EXOSC4: variants seen among roughly 807,000 people sequenced by gnomAD.
The protein encoded by EXOSC4 is exosome complex component RRP41.
Under a neutral mutation model 20.0 loss-of-function variants are expected in EXOSC4, and 14 were observed. That is an observed-to-expected ratio of 0.70 (90% CI 0.46 to 1.09). The LOEUF is 1.09. EXOSC4 is among the 50% of genes least tolerant of loss of function. EXOSC4 has a pLI of 0.00. For missense variants in EXOSC4, 337 were observed against 334.0 expected (o/e 1.01, Z -0.07); for synonymous variants, 148 against 146.4 (o/e 1.01, Z -0.08).
Position 144,080,327 on chromosome 8 carries a change from A to T in EXOSC4, c.464A>T (p.Asp155Val), listed in dbSNP as rs1279315897. 6.2e-7 allele frequency: 1 copy of T among 1,613,348 alleles called. No individual in the cohort carries two copies. Among genetic ancestry groups the T allele is most frequent in the Non-Finnish European group, 8.5e-7 (1 of 1,179,972 alleles). Reference protein sequence around the residue: ...AVLDAGIPMRDFVCACSAGFV... With the variant: ...AVLDAGIPMRVFVCACSAGFV... ...CTGGATGCCGGGATACCCATGAGAG[A>T]CTTTGTGTGTGCGTGCTCAGCTGGC... The change falls in exon 3 of 3, where the codon GAC (aspartate) becomes GTC (valine). Residue 155 changes from aspartate to valine, a missense_variant. Physicochemically the swap from Asp to Val is radical, Grantham distance 152. Coordinates refer to ENST00000316052, the MANE Select transcript of EXOSC4 (RefSeq NM_019037.3). The surrounding 1 kb of genome is among the most constrained non-coding windows in gnomAD (Gnocchi z 4.9).
At chr8:144,070,998 G>A in the EXOSC4 span, among the ~76,000 whole-genome samples, 6 of 151,690 alleles carry the variant, frequency 4.0e-5, no homozygotes, top group East Asian at 5.8e-4. Context: ...AGGGAGGAGC[G>A]GAGCAGAGAC....
At chr8:144,074,616 CAGG>C (rs1835820240), upstream of EXOSC4, among the ~76,000 whole-genome samples, 1 of 152,080 alleles carries the variant, frequency 6.6e-6, no homozygotes, top group Non-Finnish European at 1.5e-5. Flanking sequence ...GTGGTATGGG[CAGG>C]AGTACCGTGG....
At chr8:144,065,520 G>C in the EXOSC4 span, among the ~76,000 whole-genome samples, 1 of 152,012 alleles carries the variant, frequency 6.6e-6, no homozygotes, top group Non-Finnish European at 1.5e-5. Flanking sequence ...CCTGAGGTCA[G>C]GAGTTCGAGA....
At chr8:144,071,153 A>C in the EXOSC4 span, among the ~76,000 whole-genome samples, 9 of 144,356 alleles carry the variant, frequency 6.2e-5, no homozygotes, top group African/African-American at 2.3e-4. Context: ...TAAAGTGTCC[A>C]GTTTCCTTTC....
rs535241048 is a variant in EXOSC4 at position 144,080,330 on chromosome 8, T to G, written c.467T>G (p.Phe156Cys). Reference sequence around the variant, plus strand: ...GATGCCGGGATACCCATGAGAGACTTTGTGTGTGCGTGCTCAGCTGGCTTC... The same window carrying G: ...GATGCCGGGATACCCATGAGAGACTGTGTGTGTGCGTGCTCAGCTGGCTTC... ...VLDAGIPMRD[F>C]VCACSAGFVD... The change falls in exon 3 of 3, where the codon TTT (phenylalanine) becomes TGT (cysteine). Residue 156 changes from phenylalanine (F) to cysteine (C), a missense_variant. Coordinates refer to ENST00000316052, the MANE Select transcript of EXOSC4 (RefSeq NM_019037.3). This position sits in a 1 kb window ranked among gnomAD's most constrained non-coding sequence, Gnocchi z 4.9. 4 of 1,613,588 alleles carry G rather than the reference T, an allele frequency of 2.5e-6. No homozygotes were observed. The highest frequency in any genetic ancestry group is 2.2e-5 in the East Asian group (1 of 44,884).
At chr8:144,071,213 T>C in the EXOSC4 span, among the ~76,000 whole-genome samples, 40 of 5,538 alleles carry the variant, frequency 7.2e-3, no homozygotes, top group South Asian at 0.02. Context: ...CCCTCCCCTC[T>C]CCCCTCCCCT....
In EXOSC4 at chr8:144,078,751, C is replaced by A. The variant is rs782403640; in HGVS notation, c.23C>A (p.Ser8Ter). Residue 8 changes from serine to a stop codon, truncating the protein, a stop_gained, in exon 1 of 3, where the codon TCG becomes TAG. Coordinates refer to ENST00000316052, the MANE Select transcript of EXOSC4 (RefSeq NM_019037.3). LOFTEE classifies it high-confidence loss of function. This position sits in a 1 kb window ranked among gnomAD's most constrained non-coding sequence, Gnocchi z 4.7. ...AGCATGGCGGGGCTGGAGCTCTTGT[C>A]GGACCAGGGCTACCGGGTGGACGGG... Reference protein sequence around the residue: MAGLELLSDQGYRVDGRR... With the variant: MAGLELL 1 of 1,487,226 alleles carries A rather than the reference C, an allele frequency of 6.7e-7. No individual in the cohort carries two copies. The highest frequency in any genetic ancestry group is 8.9e-7 in the Non-Finnish European group (1 of 1,117,692). 92.1% of individuals were successfully genotyped at this position (1,487,226 alleles called of 1,614,324 possible).
the EXOSC4 span, among the ~76,000 whole-genome samples, chr8:144,073,247 GT>G: frequency 2.6e-5 from 4 of 152,116 alleles, no homozygotes; most frequent in Non-Finnish European, 5.9e-5. Context: ...TTAGCCAGGC[GT>G]GGTGGCGGGC....
the EXOSC4 span, among the ~76,000 whole-genome samples, chr8:144,070,141 C>T: frequency 6.6e-5 from 10 of 152,156 alleles, no homozygotes; most frequent in East Asian, 3.8e-4. Flanking sequence ...TTCAAGGTCC[C>T]GGTGTGGGTT....
At chr8:144,079,026 C>T (rs1438696046) in intron 1 of EXOSC4, 127 bp downstream of exon 1, 9 of 1,070,990 alleles carry the variant, frequency 8.4e-6, no homozygotes, top group Non-Finnish European at 1.1e-5. Context: ...CGATGCTCAG[C>T]ACCGCATCTC....
chr8:144,075,564 G>T (rs1835829410), upstream of EXOSC4, among the ~76,000 whole-genome samples: 1 of 152,060 alleles, frequency 6.6e-6, no homozygotes. Flanking sequence ...GTAGAGATGG[G>T]GTTTTGCCAT....
chr8:144,077,273 G>A (rs1204891537), upstream of EXOSC4, among the ~76,000 whole-genome samples: 1 of 151,932 alleles, frequency 6.6e-6, no homozygotes, highest in Non-Finnish European at 1.5e-5. Flanking sequence ...AGAAACAAAC[G>A]AAAAAAACGA....
At chr8:144,075,387 C>T (rs915986238), upstream of EXOSC4, among the ~76,000 whole-genome samples, 38 of 152,126 alleles carry the variant, frequency 2.5e-4, no homozygotes, top group Non-Finnish European at 7.3e-5. Flanking sequence ...CCACCACGCC[C>T]GGCTAATTTT....
chr8:144,077,190 C>T (rs887856506), upstream of EXOSC4, among the ~76,000 whole-genome samples: 3 of 151,610 alleles, frequency 2.0e-5, no homozygotes, highest in Non-Finnish European at 2.9e-5. Context: ...GGGTGCAGTG[C>T]GCTGACATTG....
In EXOSC4 at chr8:144,078,755, C is replaced by T. The variant is rs782108842; in HGVS notation, c.27C>T (p.Asp9=). The T allele has an allele frequency of 1.3e-6, 2 of 1,506,086 alleles. No homozygotes were observed. The highest frequency in any genetic ancestry group is 2.6e-5 in the South Asian group (2 of 77,698). 93.3% of individuals were successfully genotyped at this position (1,506,086 alleles called of 1,614,324 possible). The change falls in exon 1 of 3, where the codon GAC becomes GAT. Residue 9 remains aspartate, a synonymous_variant. Transcript: ENST00000316052. The surrounding 1 kb of genome is among the most constrained non-coding windows in gnomAD (Gnocchi z 4.7). MAGLELLS[D]QGYRVDGRRA... ...TGGCGGGGCTGGAGCTCTTGTCGGA[C>T]CAGGGCTACCGGGTGGACGGGCGGC...
Position 144,080,283 on chromosome 8 carries a change from T to A in EXOSC4, c.420T>A (p.Asn140Lys). 6.2e-7 allele frequency: 1 copy of A among 1,613,930 alleles called. No individual in the cohort carries two copies. Among genetic ancestry groups the A allele is most frequent in the Non-Finnish European group, 8.5e-7 (1 of 1,180,030 alleles). Residue 140 changes from asparagine (N) to lysine (K), a missense_variant, in exon 3 of 3, where the codon AAT becomes AAA. Physicochemically the swap from Asn to Lys is moderately conservative, Grantham distance 94. Transcript: ENST00000316052. The surrounding 1 kb of genome is among the most constrained non-coding windows in gnomAD (Gnocchi z 4.9). ...GTGGGACCTATGCAGCTTGTGTGAA[T>A]GCAGCCACGCTGGCAGTGCTGGATG... is the stretch of plus-strand genomic sequence containing the variant. Reference protein sequence around the residue: ...ADGGTYAACVNAATLAVLDAG... With the variant: ...ADGGTYAACVKAATLAVLDAG...
At chr8:144,078,020 T>C (rs1191591864), upstream of EXOSC4, 4 of 152,216 alleles carry the variant, frequency 2.6e-5, no homozygotes, top group Non-Finnish European at 5.9e-5. The surrounding 1 kb of genome is among the most constrained non-coding windows in gnomAD (Gnocchi z 4.7). Context: ...TGATTTTTAT[T>C]ATTTGAAGCC....
chr8:144,070,298 G>A, the EXOSC4 span, among the ~76,000 whole-genome samples: 3 of 152,106 alleles, frequency 2.0e-5, no homozygotes, highest in African/African-American at 4.8e-5. Context: ...GGCTGAGGTG[G>A]GTGGATCACG....
At chr8:144,075,585 C>A (rs925925674), upstream of EXOSC4, among the ~76,000 whole-genome samples, 1 of 152,086 alleles carries the variant, frequency 6.6e-6, no homozygotes, top group Non-Finnish European at 1.5e-5. Flanking sequence ...GTTGTCCAAG[C>A]TGATCTTGAA....
Sources: allele counts gnomAD v4.1 joint callset (sites outside exome capture counted in the v4.1 genomes callset), GRCh38; gene constraint gnomAD v4.1.1; non-coding constraint Gnocchi (gnomAD v3.1); transcripts MANE v1.5; gene names NCBI Gene and HGNC (gene_info 2026-07-23, HGNC 2026-07-21).